Variants in PPP1R8 observed in about 807,000 individuals in gnomAD.
PPP1R8 encodes nuclear inhibitor of protein phosphatase 1.
A neutral mutation model predicts 31.3 loss-of-function variants in PPP1R8; 4 were observed. The observed-to-expected ratio is 0.13, with a 90% CI of 0.06 to 0.29. PPP1R8 has a LOEUF of 0.29. PPP1R8 is among the 10% of genes least tolerant of loss of function. PPP1R8 has a pLI of 1.00. For synonymous variants in PPP1R8, 170 were observed against 169.7 expected (o/e 1.00, Z -0.01); for missense variants, 254 against 440.1 (o/e 0.58, Z 3.78).
At chr1:27,848,996 C>A (rs566361092) in intron 6 of PPP1R8, among the ~76,000 whole-genome samples, 1 of 152,198 alleles carries the variant, frequency 6.6e-6, no homozygotes, top group Admixed American at 6.5e-5. Flanking sequence ...TAGCCCTTTG[C>A]AGCAGCCCAC....
rs1280176254 is a variant in PPP1R8 at position 27,841,194 on chromosome 1, A to G, written c.452A>G (p.Lys151Arg). Residue 151 changes from lysine to arginine, a missense_variant, in exon 4 of 7, where the codon AAG becomes AGG. This residue lies in a region of PPP1R8 where 27 missense variants were observed against 26.7 expected (regional missense o/e 1.01). Transcript: ENST00000311772. ...EKMGGEDDEL[K>R]GLLGLPEEET... The stretch of plus-strand genomic sequence containing the variant: ...ATGGGTGGAGAGGATGATGAACTCA[A>G]GGGCTTACTGGGGCTTCCAGAGGAG... 4 of 1,614,226 alleles carry G rather than the reference A, an allele frequency of 2.5e-6. No homozygotes were observed. The highest frequency in any genetic ancestry group is 1.7e-5 in the Admixed American group (1 of 60,026).
chr1:27,833,013 G>C (rs2089126807), intron 2 of PPP1R8, among the ~76,000 whole-genome samples, 197 bp downstream of exon 2: 2 of 151,768 alleles, frequency 1.3e-5, no homozygotes, highest in Non-Finnish European at 2.9e-5. Context: ...TCAATTTTTT[G>C]TGACTTCTCT....
At chr1:27,840,916 A>C (rs1300743874) in intron 3 of PPP1R8, 98 bp from the exon 4 acceptor site, 2 of 1,232,640 alleles carry the variant, frequency 1.6e-6, no homozygotes, top group African/African-American at 3.0e-5. Flanking sequence ...TGCTGGGGGG[A>C]AGCTGACCTG....
At chr1:27,834,889 AC>A (rs2089147705) in intron 2 of PPP1R8, among the ~76,000 whole-genome samples, 1 of 152,096 alleles carries the variant, frequency 6.6e-6, no homozygotes, top group African/African-American at 2.4e-5. Context: ...GCAGTGGCAC[AC>A]CCCTATAATC....
At chr1:27,838,672 G>T in intron 2 of PPP1R8, 27 bp from the exon 3 acceptor site, 2 of 1,367,580 alleles carry the variant, frequency 1.5e-6, no homozygotes, top group South Asian at 3.2e-5. Context: ...CAAGATTTAA[G>T]TAATATTTAA....
In PPP1R8 at chr1:27,830,817, T is replaced by C; in HGVS notation, c.-19T>C. ...CCCGGCGTGCTTAGGGCGCGCCAAA[T>C]GGGAGGGGGAGACGCAAGATGGCGG... On this transcript the variant is annotated 5_prime_UTR_variant, in exon 1 of 7. An upstream start codon of the reference 5' UTR is lost. Coordinates refer to ENST00000311772, the MANE Select transcript of PPP1R8 (RefSeq NM_014110.5). The C allele has an allele frequency of 6.4e-7, 1 of 1,570,598 alleles. No homozygotes were observed. Among genetic ancestry groups the C allele is most frequent in the South Asian group, 1.2e-5 (1 of 85,438 alleles).
At chr1:27,846,384 G>A (rs2089280871) in intron 5 of PPP1R8, among the ~76,000 whole-genome samples, 1 of 152,216 alleles carries the variant, frequency 6.6e-6, no homozygotes, top group African/African-American at 2.4e-5. Context: ...CTCTGTGACT[G>A]TGAATTCAAG....
In PPP1R8 at chr1:27,832,225, A is replaced by G. The variant is rs553849367; in HGVS notation, c.57-531A>G. Among the ~76,000 whole-genome samples, 12 of 152,266 alleles carry G rather than the reference A, an allele frequency of 7.9e-5. No individual in the cohort carries two copies. The South Asian group carries it at 2.5e-3, about 32-fold the overall frequency. On this transcript the variant is annotated intron_variant, in intron 1 of 6. Coordinates refer to ENST00000311772, the MANE Select transcript of PPP1R8 (RefSeq NM_014110.5). ...GAAAGACCTGTTTCAAGGGTAACAT[A>G]TTCATTTGGTACCTGGTTTCATGGG...
At chr1:27,840,342 G>T (rs550195839) in intron 3 of PPP1R8, among the ~76,000 whole-genome samples, 1 of 152,078 alleles carries the variant, frequency 6.6e-6, no homozygotes, top group Non-Finnish European at 1.5e-5. Context: ...CTTATATAAG[G>T]GTCTTGGAGA....
chr1:27,836,735 G>A (rs2089170177), intron 2 of PPP1R8, among the ~76,000 whole-genome samples: 1 of 151,920 alleles, frequency 6.6e-6, no homozygotes, highest in Non-Finnish European at 1.5e-5. Flanking sequence ...TTTTTATAAA[G>A]CTAAATTTAG....
At chr1:27,848,767 C>T (rs1023366736) in intron 6 of PPP1R8, among the ~76,000 whole-genome samples, 14 of 152,072 alleles carry the variant, frequency 9.2e-5, no homozygotes, top group South Asian at 6.2e-4. Flanking sequence ...TTCCATAATG[C>T]CCCTTGAGCT....
At chr1:27,846,782 C>T (rs1169008741) in intron 5 of PPP1R8, among the ~76,000 whole-genome samples, 2 of 152,224 alleles carry the variant, frequency 1.3e-5, no homozygotes, top group Non-Finnish European at 2.9e-5. Flanking sequence ...ACCAGAGCAA[C>T]TGGGCCAGTC....
chr1:27,846,257 A>G (rs2089279386), intron 5 of PPP1R8, among the ~76,000 whole-genome samples: 1 of 152,296 alleles, frequency 6.6e-6, no homozygotes. Context: ...ACTCACATTC[A>G]ACCTTCAGTG....
chr1:27,831,306 C>T, intron 1 of PPP1R8: 1 of 999,066 alleles, frequency 1.0e-6, no homozygotes, highest in Non-Finnish European at 1.2e-6. Flanking sequence ...AGCCCCGCAT[C>T]CCTCTGTGGT....
In PPP1R8 at chr1:27,831,115, G is replaced by A. The variant is rs1177102799; in HGVS notation, c.56+224G>A. The A allele has an allele frequency of 3.0e-6, 4 of 1,348,120 alleles. No individual in the cohort carries two copies. In the African/African-American group the frequency reaches 6.1e-5, roughly 21 times the overall value. 83.5% of individuals were successfully genotyped at this position (1,348,120 alleles called of 1,614,324 possible). ...GAAACCCGGGGTTGGGGGCTCAAAGGCGCTCACTTAGGCAGCCCCTTTGAG... is the reference window on the plus strand; with the variant it reads ...GAAACCCGGGGTTGGGGGCTCAAAGACGCTCACTTAGGCAGCCCCTTTGAG... On this transcript the variant is annotated intron_variant, in intron 1 of 6. Coordinates refer to ENST00000311772, the MANE Select transcript of PPP1R8 (RefSeq NM_014110.5).
At chr1:27,837,841 C>A (rs934577772) in intron 2 of PPP1R8, among the ~76,000 whole-genome samples, 1 of 151,750 alleles carries the variant, frequency 6.6e-6, no homozygotes, top group Non-Finnish European at 1.5e-5. Flanking sequence ...CTTTAGGAGG[C>A]TGAGGTGGGC....
chr1:27,841,305 T>G, intron 4 of PPP1R8, 71 bp downstream of exon 4: 1 of 1,496,750 alleles, frequency 6.7e-7, no homozygotes, highest in Non-Finnish European at 9.2e-7. Flanking sequence ...CTGTTCTATG[T>G]AGCTGGAAAT....
At chr1:27,840,143 C>T (rs1308053219) in intron 3 of PPP1R8, among the ~76,000 whole-genome samples, 1 of 152,144 alleles carries the variant, frequency 6.6e-6, no homozygotes, top group Non-Finnish European at 1.5e-5. Context: ...GTTTAAACTT[C>T]GCCTAAGATA....
intron 6 of PPP1R8, among the ~76,000 whole-genome samples, chr1:27,849,402 A>G (rs2089317924): frequency 6.6e-6 from 1 of 151,924 alleles, no homozygotes; most frequent in Non-Finnish European, 1.5e-5. Flanking sequence ...ATTGCACACC[A>G]AACATGGACA....
Sources: gnomAD v4.1 joint callset for allele counts (sites outside exome capture counted in the v4.1 genomes callset) on GRCh38, gnomAD v4.1.1 for gene constraint, gnomAD v4.1.1 regional missense constraint, MANE v1.5 for transcripts, NCBI Gene and HGNC (gene_info 2026-07-23, HGNC 2026-07-21) for gene names.